Variants in SAMTOR observed in about 807,000 individuals in gnomAD.
SAMTOR encodes S-adenosylmethionine sensor upstream of mTORC1, also known as UPF0532 protein C7orf60.
chr7:112,929,281 C>A, the SAMTOR span, among the ~76,000 whole-genome samples: 1 of 151,578 alleles, frequency 6.6e-6, no homozygotes, highest in African/African-American at 2.4e-5. Context: ...GGGCAATGAC[C>A]TGAATAGATA....
the SAMTOR span, among the ~76,000 whole-genome samples, chr7:112,836,984 T>A: frequency 6.6e-6 from 1 of 152,296 alleles, no homozygotes; most frequent in East Asian, 1.9e-4. Flanking sequence ...GTGAAGAATG[T>A]CATTGGTAGT....
chr7:112,832,203 C>T, the SAMTOR span, among the ~76,000 whole-genome samples: 16 of 151,658 alleles, frequency 1.1e-4, no homozygotes, highest in African/African-American at 3.4e-4. Flanking sequence ...TTAGTAGAGA[C>T]GGGGTTTCAC....
chr7:112,909,111 C>T, the SAMTOR span, among the ~76,000 whole-genome samples: 1 of 152,170 alleles, frequency 6.6e-6, no homozygotes, highest in African/African-American at 2.4e-5. Context: ...GAATATTAAT[C>T]CTCTTGCTTT....
At chr7:112,925,954 A>C in the SAMTOR span, among the ~76,000 whole-genome samples, 1 of 152,170 alleles carries the variant, frequency 6.6e-6, no homozygotes, top group Non-Finnish European at 1.5e-5. Context: ...TGCTGTTGGC[A>C]AACTGAAAAG....
At chr7:112,901,759 C>A in the SAMTOR span, among the ~76,000 whole-genome samples, 2 of 152,152 alleles carry the variant, frequency 1.3e-5, no homozygotes, top group African/African-American at 4.8e-5. Flanking sequence ...AAGACCTGAA[C>A]AGACATCTCA....
the SAMTOR span, among the ~76,000 whole-genome samples, chr7:112,924,456 C>G: frequency 3.9e-5 from 6 of 152,044 alleles, no homozygotes; most frequent in South Asian, 2.1e-4. Flanking sequence ...ACTATTAGCC[C>G]TCTAATTTGA....
the SAMTOR span, among the ~76,000 whole-genome samples, chr7:112,847,734 C>T: frequency 2.0e-5 from 3 of 151,712 alleles, no homozygotes; most frequent in Admixed American, 6.6e-5. Context: ...GCCAAGATTG[C>T]GCCACTGCAC....
At chr7:112,909,135 C>T in the SAMTOR span, among the ~76,000 whole-genome samples, 4 of 152,126 alleles carry the variant, frequency 2.6e-5, no homozygotes, top group African/African-American at 9.7e-5. Context: ...TGTCCAATGC[C>T]TTCATTAGAA....
At chr7:112,854,442 C>T in the SAMTOR span, among the ~76,000 whole-genome samples, 2 of 152,084 alleles carry the variant, frequency 1.3e-5, no homozygotes, top group African/African-American at 4.8e-5. Flanking sequence ...AAAATTCTGC[C>T]TATCATACCA....
the SAMTOR span, among the ~76,000 whole-genome samples, chr7:112,823,720 G>C: frequency 1.3e-5 from 2 of 152,068 alleles, no homozygotes; most frequent in East Asian, 3.9e-4. Context: ...TGGTGTAGTA[G>C]GTTTAATTTT....
At chr7:112,931,732 T>A in the SAMTOR span, among the ~76,000 whole-genome samples, 1 of 152,166 alleles carries the variant, frequency 6.6e-6, no homozygotes, top group Admixed American at 6.5e-5. Context: ...TAACCACCTA[T>A]TCTAAAATAA....
chr7:112,906,876 T>C, the SAMTOR span, among the ~76,000 whole-genome samples: 10 of 152,292 alleles, frequency 6.6e-5, no homozygotes, highest in Admixed American at 4.6e-4. Flanking sequence ...GGCCGACGTA[T>C]CTTTTTAATG....
At chr7:112,938,757 G>A in the SAMTOR span, among the ~76,000 whole-genome samples, 1 of 152,198 alleles carries the variant, frequency 6.6e-6, no homozygotes, top group Non-Finnish European at 1.5e-5. Context: ...GATAACTGTA[G>A]ACTCCAACTA....
chr7:112,921,274 C>T, the SAMTOR span, among the ~76,000 whole-genome samples: 6 of 152,012 alleles, frequency 3.9e-5, no homozygotes, highest in Non-Finnish European at 5.9e-5. Flanking sequence ...ACAGAACAGA[C>T]GCCTCAGAAA....
At chr7:112,893,584 A>G in the SAMTOR span, among the ~76,000 whole-genome samples, 2 of 152,174 alleles carry the variant, frequency 1.3e-5, no homozygotes, top group South Asian at 2.1e-4. Flanking sequence ...ATCCACAATC[A>G]AGTTGTTTTA....
chr7:112,829,099 TG>T, the SAMTOR span, among the ~76,000 whole-genome samples: 9 of 152,162 alleles, frequency 5.9e-5, no homozygotes, highest in Non-Finnish European at 8.8e-5. Context: ...CCCCACCTTT[TG>T]GGGGATTCCA....
At chr7:112,894,700 G>A in the SAMTOR span, among the ~76,000 whole-genome samples, 19 of 152,158 alleles carry the variant, frequency 1.2e-4, no homozygotes, top group East Asian at 1.5e-3. Flanking sequence ...GGGGGAAACC[G>A]CCCCCATGAT....
At chr7:112,885,218 T>C in the SAMTOR span, among the ~76,000 whole-genome samples, 1 of 152,312 alleles carries the variant, frequency 6.6e-6, no homozygotes, top group Admixed American at 6.5e-5. Context: ...CCTAGGCTTC[T>C]AGGCCTGTGA....
At chr7:112,824,329 T>C in the SAMTOR span, among the ~76,000 whole-genome samples, 1 of 152,060 alleles carries the variant, frequency 6.6e-6, no homozygotes. Flanking sequence ...TTCATTTAGG[T>C]CTATGATACA....
Sources: allele counts gnomAD v4.1 joint callset (sites outside exome capture counted in the v4.1 genomes callset), GRCh38; gene constraint gnomAD v4.1.1; transcripts MANE v1.5; gene names NCBI Gene and HGNC (gene_info 2026-07-23, HGNC 2026-07-21).